Variants in SGPP1 observed in about 807,000 individuals in gnomAD.
SGPP1 encodes the protein sphingosine-1-phosphate phosphatase 1.
SGPP1 carries 21 observed loss-of-function variants against 33.0 expected under a neutral mutation model. The ratio of observed to expected loss-of-function variants is 0.64; its 90% CI spans 0.45 to 0.92. The LOEUF (loss-of-function observed/expected upper bound fraction) is 0.92. Ranked by LOEUF, SGPP1 falls within the 40% of genes least tolerant of loss-of-function variation. The pLI is 0.00. For missense variants in SGPP1, 543 were observed against 589.4 expected, an observed-to-expected ratio of 0.92 and a Z score of 0.81; for synonymous variants, 239 against 241.2, an observed-to-expected ratio of 0.99 and a Z score of 0.08.
chr14:63,724,424 T>C lies in SGPP1; in HGVS notation c.684+2837A>G, dbSNP rs539540485. Reference sequence around the variant, plus strand: ...AAATAAGCAGCTGAGGCACAGCAGATAGGCAAGACTGCCAACCAAAACTTA... The same window carrying C: ...AAATAAGCAGCTGAGGCACAGCAGACAGGCAAGACTGCCAACCAAAACTTA... On this transcript the variant is annotated intron_variant, in intron 1 of 2. Coordinates refer to ENST00000247225, the MANE Select transcript of SGPP1 (RefSeq NM_030791.4). Among the ~76,000 whole-genome samples, 4 of 152,008 alleles carry C rather than the reference T, an allele frequency of 2.6e-5. No homozygotes were observed. In the South Asian group the frequency reaches 8.3e-4, roughly 32 times the overall value.
At chr14:63,712,130 A>G (rs751760305) in intron 1 of SGPP1, among the ~76,000 whole-genome samples, 10 of 152,126 alleles carry the variant, frequency 6.6e-5, no homozygotes, top group Non-Finnish European at 1.5e-4. Flanking sequence ...AACTCCACAT[A>G]TAATATGGTC....
At chr14:63,697,047 A>G (rs749889174) in intron 2 of SGPP1, among the ~76,000 whole-genome samples, 32 of 152,240 alleles carry the variant, frequency 2.1e-4, no homozygotes, top group Middle Eastern at 3.4e-3. Flanking sequence ...GGGGGGAGGA[A>G]AGGGCTGCAA....
chr14:63,711,326 T>C (rs538213870), intron 1 of SGPP1, among the ~76,000 whole-genome samples: 9 of 152,168 alleles, frequency 5.9e-5, no homozygotes, highest in Non-Finnish European at 1.2e-4. Flanking sequence ...TTAAGATTGT[T>C]TTCTAGGGAT....
intron 1 of SGPP1, among the ~76,000 whole-genome samples, chr14:63,705,136 AC>A (rs1358729524): frequency 1.8e-4 from 28 of 151,554 alleles, no homozygotes; most frequent in African/African-American, 6.8e-4. Flanking sequence ...TTAAAAAAAA[AC>A]AAAAAAACAA....
chr14:63,685,261 A>T lies in SGPP1; in HGVS notation c.*844T>A, dbSNP rs1566815231. ...CCTGTCACCCTGACATACATTTTTT[A>T]AAATATTTGCTTGATTATATGTAAC... On this transcript the variant is annotated 3_prime_UTR_variant, in exon 3 of 3. Coordinates refer to ENST00000247225, the MANE Select transcript of SGPP1 (RefSeq NM_030791.4). 2 of 152,496 alleles carry T rather than the reference A, an allele frequency of 1.3e-5. No individual in the cohort carries two copies. Among genetic ancestry groups the T allele is most frequent in the Non-Finnish European group, 2.9e-5 (2 of 67,918 alleles). The allele number at this position is 152,496 out of a possible 1,614,324, so 9.4% of individuals were successfully genotyped here. A position where few individuals can be genotyped will look rare whatever the true frequency, so the allele number is the denominator to read the frequency against.
intron 1 of SGPP1, among the ~76,000 whole-genome samples, chr14:63,707,305 G>A (rs370127258): frequency 6.6e-6 from 1 of 151,852 alleles, no homozygotes; most frequent in Non-Finnish European, 1.5e-5. Flanking sequence ...CATACTAGTC[G>A]ATATAATCTT....
At chr14:63,709,730 T>A (rs1885484806) in intron 1 of SGPP1, among the ~76,000 whole-genome samples, 1 of 152,188 alleles carries the variant, frequency 6.6e-6, no homozygotes, top group Non-Finnish European at 1.5e-5. Flanking sequence ...TACATAAAAA[T>A]GTAAAAATGT....
chr14:63,699,836 C>A (rs909125945), intron 1 of SGPP1, among the ~76,000 whole-genome samples: 5 of 151,580 alleles, frequency 3.3e-5, no homozygotes, highest in South Asian at 2.1e-4. Context: ...TAGCTTCATA[C>A]TCTCCTGGTT....
chr14:63,724,601 G>C (rs376058177), intron 1 of SGPP1, among the ~76,000 whole-genome samples: 8 of 73,572 alleles, frequency 1.1e-4, no homozygotes, highest in African/African-American at 4.4e-4. Flanking sequence ...GTTTTCAATA[G>C]ATAACAAGGA....
At chr14:63,727,051 T>A (rs1221614263) in intron 1 of SGPP1, among the ~76,000 whole-genome samples, 1 of 152,200 alleles carries the variant, frequency 6.6e-6, no homozygotes, top group Non-Finnish European at 1.5e-5. Flanking sequence ...GAATTTAATA[T>A]TAAAATAGAA....
At chr14:63,717,402 A>C (rs1303630312) in intron 1 of SGPP1, among the ~76,000 whole-genome samples, 1 of 151,700 alleles carries the variant, frequency 6.6e-6, no homozygotes, top group African/African-American at 2.4e-5. Flanking sequence ...GCTCACTGCA[A>C]GCTCCACCAC....
intron 1 of SGPP1, among the ~76,000 whole-genome samples, chr14:63,705,127 T>C: frequency 6.8e-6 from 1 of 147,058 alleles, no homozygotes. Flanking sequence ...ACTCTGTCTT[T>C]AAAAAAAAAC....
At chr14:63,698,723 A>G in intron 1 of SGPP1, 65 bp from the exon 2 acceptor site, 3 of 898,754 alleles carry the variant, frequency 3.3e-6, no homozygotes, top group Non-Finnish European at 5.0e-6. Context: ...AACAAATAAA[A>G]GACAAATCAA....
intron 1 of SGPP1, among the ~76,000 whole-genome samples, chr14:63,724,500 G>T (rs1299781606): frequency 6.6e-6 from 1 of 151,440 alleles, no homozygotes; most frequent in Non-Finnish European, 1.5e-5. Flanking sequence ...AGTTTCTAGG[G>T]GAAAGGCTTT....
In SGPP1 at chr14:63,727,907, C is replaced by G; in HGVS notation, c.38G>C (p.Arg13Pro). 1 of 1,542,372 alleles carries G rather than the reference C, an allele frequency of 6.5e-7. No individual in the cohort carries two copies. Among genetic ancestry groups the G allele is most frequent in the Non-Finnish European group, 8.7e-7 (1 of 1,152,856 alleles). ...GGCCACTTTCTGCGGGTCCTGCAGA[C>G]GGCCAACCAGCTGGGCCAGGCGCTG... ...LRQRLAQLVG[R>P]LQDPQKVARF... The change falls in exon 1 of 3, where the codon CGT (arginine) becomes CCT (proline). Residue 13 changes from arginine to proline, a missense_variant. Transcript: ENST00000247225.
intron 1 of SGPP1, among the ~76,000 whole-genome samples, chr14:63,717,558 G>A (rs1389240009): frequency 2.6e-5 from 4 of 151,746 alleles, no homozygotes; most frequent in South Asian, 2.1e-4. Flanking sequence ...TCCTGACCTC[G>A]TGATCCGCCA....
chr14:63,724,431 GACTGCCAACCAAA>G (rs1885833733), intron 1 of SGPP1, among the ~76,000 whole-genome samples: 2 of 151,934 alleles, frequency 1.3e-5, no homozygotes. Flanking sequence ...AGATAGGCAA[GACTGCCAACCAAA>G]ACTTATTAGA....
intron 1 of SGPP1, among the ~76,000 whole-genome samples, chr14:63,703,263 T>C (rs1595065518): frequency 2.0e-5 from 3 of 151,818 alleles, no homozygotes; most frequent in African/African-American, 7.2e-5. Flanking sequence ...TTCAGTAGCA[T>C]CCTAAAGAAT....
chr14:63,725,146 G>A (rs2139657807), intron 1 of SGPP1, among the ~76,000 whole-genome samples: 1 of 152,302 alleles, frequency 6.6e-6, no homozygotes, highest in East Asian at 1.9e-4. Flanking sequence ...GCCGAGATGG[G>A]TGGATCCCCT....
Sources: allele counts gnomAD v4.1 joint callset (sites outside exome capture counted in the v4.1 genomes callset), GRCh38; gene constraint gnomAD v4.1.1; transcripts MANE v1.5; gene names NCBI Gene and HGNC (gene_info 2026-07-23, HGNC 2026-07-21).